The following ADCY7 variants were observed in gnomAD, a reference collection of about 807,000 sequenced individuals.
ADCY7 encodes adenylate cyclase type 7.
ADCY7 carries 72 observed loss-of-function variants against 120.6 expected under a neutral mutation model. That is an observed-to-expected ratio of 0.60 (90% CI 0.49 to 0.73). ADCY7 has a LOEUF of 0.73. Among genes scored for constraint, ADCY7 ranks in the 30% least tolerant of loss-of-function variants. The probability of loss-of-function intolerance (pLI) is 0.00; values close to 1 mark genes in which losing one functional copy is unlikely to be tolerated. For synonymous variants in ADCY7, 661 were observed against 628.0 expected (o/e 1.05, Z -0.78); for missense variants, 1,227 against 1,486.0 (o/e 0.83, Z 2.87).
chr16:50,249,502 C>G (rs2032690360), intron 1 of ADCY7, among the ~76,000 whole-genome samples: 1 of 152,164 alleles, frequency 6.6e-6, no homozygotes. Context: ...CCCTCTTAGA[C>G]AGTTGACCTC....
chr16:50,310,929 C>T (rs1226571055), intron 19 of ADCY7, 49 bp downstream of exon 19: 15 of 1,510,818 alleles, frequency 9.9e-6, no homozygotes, highest in Non-Finnish European at 1.2e-5. Context: ...GCCTGTTCAT[C>T]TGGTGCCTGC....
chr16:50,288,349 G>T lies in ADCY7; in HGVS notation c.170G>T (p.Gly57Val), dbSNP rs1441840671. The T allele has an allele frequency of 3.9e-6, 6 of 1,543,216 alleles. No individual in the cohort carries two copies. The Admixed American group carries it at 1.2e-4, about 31-fold the overall frequency. The part of the protein sequence containing the change: ...VALIIIAFSQ[G>V]DPSRHQAILG... ...CTCATCATCATTGCCTTCAGCCAGG[G>T]GGTGAGTGAGGGCAGCCCCTGGGCT... Residue 57 changes from glycine (G) to valine (V), a missense_variant and splice_region_variant, in exon 2 of 26, where the codon GGG becomes GTG. By Grantham distance (109) the Gly-to-Val change is moderately radical. Coordinates refer to ENST00000673801, the MANE Select transcript of ADCY7 (RefSeq NM_001114.5).
At chr16:50,310,471 T>C (rs1483767683) in intron 18 of ADCY7, 1 of 1,536,228 alleles carries the variant, frequency 6.5e-7, no homozygotes, top group Non-Finnish European at 8.7e-7. Flanking sequence ...ATACTGTTTT[T>C]TCCCGTTTAA....
intron 8 of ADCY7, among the ~76,000 whole-genome samples, chr16:50,299,491 T>C (rs2035575354): frequency 6.6e-6 from 1 of 152,154 alleles, no homozygotes; most frequent in Admixed American, 6.5e-5. Context: ...CCCCTGTGGC[T>C]CTGAGCAGCT....
Position 50,311,738 on chromosome 16 carries a change from T to C in ADCY7, c.2400T>C (p.Asn800=), listed in dbSNP as rs777230230. 1.2e-6 allele frequency: 2 copies of C among 1,604,836 alleles called. No individual in the cohort carries two copies. The highest frequency in any genetic ancestry group is 1.1e-5 in the South Asian group (1 of 90,890). The change falls in exon 20 of 26, where the codon AAT becomes AAC. Residue 800 remains asparagine (N), a synonymous_variant. Transcript: ENST00000673801. ...CSWKDLKTMT[N]FYLVLFYITL... ...GGAAGGACCTGAAGACCATGACCAATTTCTACCTGGTCCTGTTCTACATCA... is the reference window on the plus strand; with the variant it reads ...GGAAGGACCTGAAGACCATGACCAACTTCTACCTGGTCCTGTTCTACATCA...
Position 50,308,690 on chromosome 16 carries a change from G to A in ADCY7, c.1959G>A (p.Thr653=), listed in dbSNP as rs1415580725. Reference sequence around the variant, plus strand: ...AGAGGTGCTGCCCAGCTCGGGGGACGCTCTGCACTATCTCTGAGAGGGTGG... The same window carrying A: ...AGAGGTGCTGCCCAGCTCGGGGGACACTCTGCACTATCTCTGAGAGGGTGG... ...KFSRCCPARG[T]LCTISERVET... is the part of the protein sequence containing the mutation. The change falls in exon 17 of 26, where the codon ACG becomes ACA. Residue 653 remains threonine (T), a synonymous_variant. Transcript: ENST00000673801. The A allele has an allele frequency of 4.3e-6, 7 of 1,613,354 alleles. No individual in the cohort carries two copies. In the East Asian group the frequency reaches 8.9e-5, roughly 21 times the overall value.
intron 14 of ADCY7, 24 bp from the exon 15 acceptor site, chr16:50,307,026 C>T: frequency 3.1e-6 from 5 of 1,592,956 alleles, no homozygotes; most frequent in Non-Finnish European, 4.3e-6. Flanking sequence ...GGTGGCCACC[C>T]CTCACAGTCC....
upstream of ADCY7, among the ~76,000 whole-genome samples, chr16:50,245,142 T>C (rs4383144): frequency 0.71 from 108,600 of 152,138 alleles, 40,306 homozygotes; most frequent in East Asian, 0.92. Context: ...GCTCCAGGAT[T>C]CCACCATAGG....
intron 1 of ADCY7, among the ~76,000 whole-genome samples, chr16:50,270,239 A>G (rs2033476673): frequency 6.6e-6 from 1 of 152,214 alleles, no homozygotes; most frequent in African/African-American, 2.4e-5. Context: ...AAACAGATAG[A>G]TAGACACATG....
Position 50,269,902 on chromosome 16 carries a change from C to T in ADCY7, c.-269+3222C>T, listed in dbSNP as rs377398028. Among the ~76,000 whole-genome samples, 13 of 152,244 alleles carry T rather than the reference C, an allele frequency of 8.5e-5. No individual in the cohort carries two copies. In the East Asian group the frequency reaches 1.9e-3, roughly 23 times the overall value. On this transcript the variant is annotated intron_variant, in intron 1 of 25. Coordinates refer to ENST00000673801, the MANE Select transcript of ADCY7 (RefSeq NM_001114.5). Reference sequence around the variant, plus strand: ...AGGCATTTACTACTTTTAAAAGACACGTGTGGCCAGGCACCGTGGTTCACA... The same window carrying T: ...AGGCATTTACTACTTTTAAAAGACATGTGTGGCCAGGCACCGTGGTTCACA...
Position 50,305,539 on chromosome 16 carries a change from G to A in ADCY7, c.1632G>A (p.Ser544=), listed in dbSNP as rs766737320. 21 of 1,609,372 alleles carry A rather than the reference G, an allele frequency of 1.3e-5. No individual in the cohort carries two copies. The highest frequency in any genetic ancestry group is 5.3e-5 in the African/African-American group (4 of 74,856). The change falls in exon 13 of 26, where the codon TCG becomes TCA. Residue 544 remains serine, a synonymous_variant. Coordinates refer to ENST00000673801, the MANE Select transcript of ADCY7 (RefSeq NM_001114.5). ...MSPKGRSEDD[S]YDDEMLSAIE... is the part of the protein sequence containing the mutation. ...CCAAGGGGCGGTCGGAGGATGACTC[G>A]TACGATGACGAGATGCTGTCAGCCA...
chr16:50,253,103 A>G (rs4622509), intron 1 of ADCY7, among the ~76,000 whole-genome samples: 151,661 of 152,300 alleles, frequency 1, 75,519 homozygotes, highest in Middle Eastern at 1. Flanking sequence ...GGTGCCCTGC[A>G]CGATTTTCTC....
In ADCY7 at chr16:50,292,839, C is replaced by T. The variant is rs768185183; in HGVS notation, c.687+14C>T. 5 of 1,611,942 alleles carry T rather than the reference C, an allele frequency of 3.1e-6. No homozygotes were observed. The highest frequency in any genetic ancestry group is 3.4e-6 in the Non-Finnish European group (4 of 1,179,638). On this transcript the variant is annotated intron_variant, in intron 5 of 25. Coordinates refer to ENST00000673801, the MANE Select transcript of ADCY7 (RefSeq NM_001114.5). ...AAGCGCCAGCAGGTGGGACCCGGCC[C>T]CCACTCCTCACCCTGTACACCCCTG...
chr16:50,314,952 T>C (rs2036721065), intron 24 of ADCY7, 62 bp from the exon 25 acceptor site: 1 of 1,601,130 alleles, frequency 6.2e-7, no homozygotes, highest in Non-Finnish European at 8.5e-7. Flanking sequence ...TCTGGCCTCC[T>C]CTAAGGGCAG....
Position 50,307,077 on chromosome 16 carries a change from C to T in ADCY7, c.1780C>T (p.Arg594Cys), listed in dbSNP as rs775182671. Reference protein sequence around the residue: ...EYRLAPIPRARHDFACASLIF... With the variant: ...EYRLAPIPRACHDFACASLIF... ...CCGCCTGGCACCCATCCCCCGGGCC[C>T]GCCACGACTTTGCCTGCGCCAGCCT... The change falls in exon 15 of 26, where the codon CGC becomes TGC. Residue 594 changes from arginine to cysteine, a missense_variant. This residue lies in a region of ADCY7 where 332 missense variants were observed against 455.8 expected (regional missense o/e 0.73). Transcript: ENST00000673801. The T allele has an allele frequency of 6.2e-6, 10 of 1,610,778 alleles. No individual in the cohort carries two copies. The highest frequency in any genetic ancestry group is 2.2e-5 in the East Asian group (1 of 44,856).
chr16:50,249,280 A>G (rs561069055), intron 1 of ADCY7, among the ~76,000 whole-genome samples: 1 of 152,110 alleles, frequency 6.6e-6, no homozygotes, highest in Non-Finnish European at 1.5e-5. Flanking sequence ...TCTCTACTAA[A>G]AATACAAAAA....
chr16:50,270,558 C>T (rs556463439), intron 1 of ADCY7, among the ~76,000 whole-genome samples: 5 of 152,298 alleles, frequency 3.3e-5, no homozygotes, highest in South Asian at 2.1e-4. Flanking sequence ...ACAGCGGAGG[C>T]GCTACCTAAG....
intron 18 of ADCY7, chr16:50,310,396 A>G (rs1178364955): frequency 1.4e-6 from 2 of 1,464,130 alleles, no homozygotes; most frequent in African/African-American, 1.4e-5. Context: ...TCAGGGAGGC[A>G]GCTTGGATGC....
At chr16:50,300,903 A>G (rs1203370729) in intron 9 of ADCY7, 30 bp downstream of exon 9, 1 of 1,551,188 alleles carries the variant, frequency 6.4e-7, no homozygotes, top group Admixed American at 2.0e-5. Flanking sequence ...CCGCAGGGAC[A>G]GAGGCCTGGG....
Sources: allele counts gnomAD v4.1 joint callset (sites outside exome capture counted in the v4.1 genomes callset), GRCh38; gene constraint gnomAD v4.1.1; regional missense constraint gnomAD v4.1.1; transcripts MANE v1.5; gene names NCBI Gene and HGNC (gene_info 2026-07-23, HGNC 2026-07-21).